Variants in SNRPN observed in about 807,000 individuals in gnomAD.
The protein encoded by SNRPN is small nuclear ribonucleoprotein polypeptide N.
A neutral mutation model predicts 25.2 loss-of-function variants in SNRPN; 7 were observed. The observed-to-expected ratio is 0.28, with a 90% confidence interval of 0.16 to 0.52. The LOEUF (loss-of-function observed/expected upper bound fraction) is 0.52. Ranked by LOEUF, SNRPN falls within the 20% of genes least tolerant of loss-of-function variation. The probability of loss-of-function intolerance (pLI) is 0.96; values close to 1 mark genes in which losing one functional copy is unlikely to be tolerated. For synonymous variants in SNRPN, 124 were observed against 110.6 expected, an observed-to-expected ratio of 1.12 and a Z score of -0.76; for missense variants, 196 against 322.5, an observed-to-expected ratio of 0.61 and a Z score of 3.00.
chr15:24,967,280 C>T (rs1302475717), intron 2 of SNRPN: 1 of 153,070 alleles, frequency 6.5e-6, no homozygotes, highest in African/African-American at 2.4e-5. Flanking sequence ...TGTACAATCT[C>T]TGTGTAGAGA....
chr15:24,940,748 C>CTGTG (rs148306200), intron 3 of SNRPN, among the ~76,000 whole-genome samples: 15 of 149,790 alleles, frequency 1.0e-4, no homozygotes, highest in African/African-American at 3.4e-4. Context: ...TCTAAAGGAG[C>CTGTG]TGTGTGTGTG....
intron 1 of SNRPN, among the ~76,000 whole-genome samples, chr15:24,861,622 C>T (rs577110761): frequency 2.0e-5 from 3 of 152,232 alleles, no homozygotes; most frequent in East Asian, 1.9e-4. Flanking sequence ...GCTATGGCAT[C>T]GTGACAGCTT....
intron 1 of SNRPN, among the ~76,000 whole-genome samples, chr15:24,867,018 T>C (rs1566843446): frequency 6.6e-6 from 1 of 152,170 alleles, no homozygotes; most frequent in African/African-American, 2.4e-5. Flanking sequence ...CCAACTATAA[T>C]AGTGGATTCA....
At chr15:24,976,173 C>T in intron 5 of SNRPN, 132 bp from the exon 6 acceptor site, 11 of 708,798 alleles carry the variant, frequency 1.6e-5, no homozygotes, top group Admixed American at 1.0e-4. Flanking sequence ...TATTTTTTGG[C>T]TTGTTTTTCA....
At chr15:24,950,187 T>C (rs146096483), upstream of SNRPN, among the ~76,000 whole-genome samples, 592 of 152,162 alleles carry the variant, frequency 3.9e-3, 4 homozygotes, top group Non-Finnish European at 4.8e-3. Context: ...TTAACTTTTT[T>C]TTTTTTTGAG....
intron 2 of SNRPN, among the ~76,000 whole-genome samples, chr15:24,844,293 T>C (rs1302235045): frequency 1.3e-5 from 2 of 152,182 alleles, no homozygotes; most frequent in Non-Finnish European, 1.5e-5. Flanking sequence ...ATAAAACTCA[T>C]TAACTTGTTC....
chr15:24,977,861 C>T lies in SNRPN; in HGVS notation c.504C>T (p.Tyr168=), dbSNP rs1314803039. The T allele has an allele frequency of 6.2e-7, 1 of 1,612,498 alleles. No homozygotes were observed. Among genetic ancestry groups the T allele is most frequent in the East Asian group, 2.2e-5 (1 of 44,812 alleles). Residue 168 remains tyrosine (Y), a synonymous_variant, in exon 8 of 10, where the codon TAC becomes TAT. Transcript: ENST00000390687. ...GTATTGCTGGAGCCCCAACACAGTA[C>T]CCACCAGGACGGGGCACTCCGCCCC... ...TASIAGAPTQ[Y]PPGRGTPPPP...
chr15:24,955,315 C>T (rs558827099), intron 1 of SNRPN, among the ~76,000 whole-genome samples: 2 of 152,130 alleles, frequency 1.3e-5, no homozygotes, highest in Admixed American at 6.5e-5. Context: ...GCGACAGGTC[C>T]TATTGCGGGT....
At chr15:24,857,390 T>A (rs1469292267) in intron 1 of SNRPN, among the ~76,000 whole-genome samples, 1 of 152,176 alleles carries the variant, frequency 6.6e-6, no homozygotes. Flanking sequence ...TTTCTTACTA[T>A]TTGATGAATG....
At chr15:24,966,459 A>C (rs1210220833) in intron 2 of SNRPN, among the ~76,000 whole-genome samples, 2 of 152,114 alleles carry the variant, frequency 1.3e-5, no homozygotes, top group African/African-American at 4.8e-5. Flanking sequence ...CATTATGTTG[A>C]CAAGATTGAA....
chr15:24,829,471 G>A (rs1434374107), intron 1 of SNRPN, among the ~76,000 whole-genome samples: 1 of 152,106 alleles, frequency 6.6e-6, no homozygotes, highest in Non-Finnish European at 1.5e-5. Flanking sequence ...CCACTGGGAT[G>A]AGTAATACAT....
At chr15:24,825,240 C>G (rs2049995940) in intron 1 of SNRPN, among the ~76,000 whole-genome samples, 1 of 151,842 alleles carries the variant, frequency 6.6e-6, no homozygotes, top group South Asian at 2.1e-4. Context: ...CCCTCATCTT[C>G]ATTCTTTTAT....
At chr15:24,831,697 A>G (rs982773230) in intron 2 of SNRPN, among the ~76,000 whole-genome samples, 2 of 151,872 alleles carry the variant, frequency 1.3e-5, no homozygotes, top group African/African-American at 4.8e-5. Context: ...GCTTTTTTAG[A>G]TTCCGCTTAC....
intron 1 of SNRPN, among the ~76,000 whole-genome samples, chr15:24,864,271 G>A (rs1253631979): frequency 1.3e-4 from 18 of 138,574 alleles, no homozygotes; most frequent in East Asian, 1.1e-3. Flanking sequence ...CTTGTGATCC[G>A]CCCGCCTCGG....
chr15:24,966,550 C>A (rs1216972787), intron 2 of SNRPN, among the ~76,000 whole-genome samples: 1 of 152,084 alleles, frequency 6.6e-6, no homozygotes, highest in Non-Finnish European at 1.5e-5. Context: ...ACCCTTTAGT[C>A]TTTGTTTGAT....
intron 7 of SNRPN, 29 bp downstream of exon 7, chr15:24,977,058 A>G: frequency 6.6e-7 from 1 of 1,521,082 alleles, no homozygotes; most frequent in Non-Finnish European, 8.8e-7. Context: ...GTTTTATATT[A>G]TTGGGAGAAT....
intron 1 of SNRPN, among the ~76,000 whole-genome samples, chr15:24,826,009 T>C (rs2050054002): frequency 6.6e-6 from 1 of 152,080 alleles, no homozygotes. Flanking sequence ...TCCTCTCTGT[T>C]GGGCTACCTT....
At chr15:24,851,466 G>A (rs2052823674) in intron 2 of SNRPN, 1 of 152,836 alleles carries the variant, frequency 6.5e-6, no homozygotes, top group Non-Finnish European at 1.5e-5. Context: ...AAGAGAAGAG[G>A]AAAAAATGTG....
chr15:24,903,321 G>C (rs2058587952), intron 2 of SNRPN, among the ~76,000 whole-genome samples: 1 of 152,196 alleles, frequency 6.6e-6, no homozygotes, highest in Admixed American at 6.6e-5. Context: ...ACTGTAAATT[G>C]AGAATTTTGG....
Sources: allele counts gnomAD v4.1 joint callset (sites outside exome capture counted in the v4.1 genomes callset), GRCh38; gene constraint gnomAD v4.1.1; transcripts MANE v1.5; gene names NCBI Gene and HGNC (gene_info 2026-07-23, HGNC 2026-07-21).